ADAMTS6: variants seen among roughly 807,000 people sequenced by gnomAD.
ADAMTS6 encodes A disintegrin and metalloproteinase with thrombospondin motifs 6.
Under a neutral mutation model 144.3 loss-of-function variants are expected in ADAMTS6, and 23 were observed. The observed-to-expected ratio is 0.16, with a 90% CI of 0.11 to 0.23. The LOEUF (loss-of-function observed/expected upper bound fraction) is 0.23. ADAMTS6 is among the 10% of genes least tolerant of loss of function. The pLI is 1.00. For synonymous variants in ADAMTS6, 444 were observed against 457.5 expected (o/e 0.97, Z 0.38); for missense variants, 999 against 1,379.6 (o/e 0.72, Z 4.37).
chr5:65,348,912 T>A (rs1036866589), intron 7 of ADAMTS6, among the ~76,000 whole-genome samples: 14 of 152,038 alleles, frequency 9.2e-5, no homozygotes, highest in African/African-American at 3.4e-4. Flanking sequence ...TTATGAACAA[T>A]AAAAAATTGA....
chr5:65,371,100 C>G (rs548284538), intron 7 of ADAMTS6, among the ~76,000 whole-genome samples: 1 of 152,216 alleles, frequency 6.6e-6, no homozygotes, highest in African/African-American at 2.4e-5. Flanking sequence ...ATAGGACATC[C>G]ACACCAAAAA....
chr5:65,387,067 T>C (rs1224614481), intron 7 of ADAMTS6, among the ~76,000 whole-genome samples: 1 of 152,200 alleles, frequency 6.6e-6, no homozygotes, highest in Non-Finnish European at 1.5e-5. Context: ...ATTTAAAAAT[T>C]ATCTCATGTT....
intron 17 of ADAMTS6, 149 bp downstream of exon 17, chr5:65,224,775 T>G: frequency 2.3e-6 from 2 of 856,102 alleles, no homozygotes; most frequent in Non-Finnish European, 1.7e-6. Context: ...GAAGCCACAT[T>G]TAACACTAAA....
At chr5:65,281,662 T>A (rs1762998099) in intron 11 of ADAMTS6, among the ~76,000 whole-genome samples, 1 of 152,220 alleles carries the variant, frequency 6.6e-6, no homozygotes, top group South Asian at 2.1e-4. Flanking sequence ...AGTTTTGAAA[T>A]GAACAACACT....
chr5:65,443,138 A>T (rs1757996561), intron 7 of ADAMTS6, among the ~76,000 whole-genome samples: 1 of 152,218 alleles, frequency 6.6e-6, no homozygotes, highest in African/African-American at 2.4e-5. Context: ...TGCAATGAAC[A>T]TACATGTGCA....
intron 11 of ADAMTS6, among the ~76,000 whole-genome samples, chr5:65,274,660 T>C (rs1459881217): frequency 2.0e-5 from 3 of 151,916 alleles, no homozygotes; most frequent in African/African-American, 2.4e-5. Context: ...AGGAGATATA[T>C]AGTGTCTATT....
At chr5:65,278,291 T>C (rs750662239) in intron 11 of ADAMTS6, among the ~76,000 whole-genome samples, 3 of 152,228 alleles carry the variant, frequency 2.0e-5, no homozygotes, top group Non-Finnish European at 4.4e-5. Context: ...AATATACATA[T>C]ACGTGTGCAA....
At position 65,231,539 on chromosome 5, in the gene ADAMTS6, A is replaced by G. The variant is rs571262620; in HGVS notation, c.1934-5320T>C. Among the ~76,000 whole-genome samples the G allele has an allele frequency of 1.3e-4, 20 of 152,262 alleles. No homozygotes were observed. The South Asian group carries it at 3.3e-3, about 25-fold the overall frequency. ...ACTTTAGAGCAAATAGAATAAATAGACATACAAAAAATTCCATCCAGAAGC... is the reference window on the plus strand; with the variant it reads ...ACTTTAGAGCAAATAGAATAAATAGGCATACAAAAAATTCCATCCAGAAGC... On this transcript the variant is annotated intron_variant, in intron 15 of 24. Coordinates refer to ENST00000381055, the MANE Select transcript of ADAMTS6 (RefSeq NM_197941.4).
At chr5:65,297,497 C>G (rs1386645672) in intron 10 of ADAMTS6, among the ~76,000 whole-genome samples, 1 of 152,138 alleles carries the variant, frequency 6.6e-6, no homozygotes, top group Non-Finnish European at 1.5e-5. Context: ...CTAAACAATT[C>G]ATCTTTCAAG....
chr5:65,365,943 A>G (rs888510807), intron 7 of ADAMTS6, among the ~76,000 whole-genome samples: 2 of 152,158 alleles, frequency 1.3e-5, no homozygotes, highest in Admixed American at 6.5e-5. Flanking sequence ...ATTTATTTCT[A>G]TATAATCAAA....
At chr5:65,203,482 G>A (rs1755877267) in intron 20 of ADAMTS6, among the ~76,000 whole-genome samples, 1 of 152,106 alleles carries the variant, frequency 6.6e-6, no homozygotes, top group Non-Finnish European at 1.5e-5. Flanking sequence ...AAATTTTAGA[G>A]GAATATTGTT....
At chr5:65,322,975 C>G (rs1455398199) in intron 9 of ADAMTS6, among the ~76,000 whole-genome samples, 1 of 152,098 alleles carries the variant, frequency 6.6e-6, no homozygotes, top group East Asian at 1.9e-4. Context: ...GTGGGGAATG[C>G]TTCTAGCTTT....
Position 65,291,457 on chromosome 5 carries a change from T to C in ADAMTS6, c.1384A>G (p.Thr462Ala), listed in dbSNP as rs1742296791. The C allele has an allele frequency of 3.1e-6, 5 of 1,613,672 alleles. No individual in the cohort carries two copies. The highest frequency in any genetic ancestry group is 1.3e-5 in the African/African-American group (1 of 74,918). Residue 462 changes from threonine to alanine, a missense_variant, in exon 11 of 25, where the codon ACT becomes GCT. Physicochemically the swap from Thr to Ala is moderately conservative, Grantham distance 58. This residue lies in a region of ADAMTS6 where 619 missense variants were observed against 837.0 expected (regional missense o/e 0.74). Coordinates refer to ENST00000381055, the MANE Select transcript of ADAMTS6 (RefSeq NM_197941.4). ...TTGGGAGGCTCATTATCAAGGCAAG[T>C]ACCACGGCCTGAACTGTTCAACATA... ...ITSFLDSGRGTCLDNEPPKRD... is the reference protein window; with the variant it reads ...ITSFLDSGRGACLDNEPPKRD...
chr5:65,278,048 CTTAGCTCCCACT>C (rs1417575446), intron 11 of ADAMTS6, among the ~76,000 whole-genome samples: 2 of 138,134 alleles, frequency 1.4e-5, no homozygotes, highest in Non-Finnish European at 3.1e-5. Context: ...ATACTCATAG[CTTAGCTCCCACT>C]TATAAGTGAG....
intron 20 of ADAMTS6, 137 bp from the exon 21 acceptor site, chr5:65,197,288 T>A: frequency 2.7e-6 from 2 of 742,436 alleles, no homozygotes; most frequent in Non-Finnish European, 3.8e-6. Context: ...ACTGCTTCTC[T>A]AAAATGGAGA....
chr5:65,262,747 G>A, intron 13 of ADAMTS6, 70 bp downstream of exon 13: 1 of 1,430,186 alleles, frequency 7.0e-7, no homozygotes, highest in Non-Finnish European at 9.2e-7. Flanking sequence ...CAGATAACAT[G>A]TGAAACCACA....
intron 15 of ADAMTS6, among the ~76,000 whole-genome samples, chr5:65,230,130 G>T (rs1024607109): frequency 9.9e-5 from 15 of 151,454 alleles, no homozygotes; most frequent in Admixed American, 7.3e-4. Context: ...GATATAAAAA[G>T]ATGTAGACTG....
At chr5:65,192,665 T>C (rs1580006944) in intron 21 of ADAMTS6, among the ~76,000 whole-genome samples, 5 of 142,108 alleles carry the variant, frequency 3.5e-5, no homozygotes, top group East Asian at 2.0e-4. Context: ...TTTTTTTTTT[T>C]CCAGTTATTT....
chr5:65,365,173 T>C (rs1035797978), intron 7 of ADAMTS6, among the ~76,000 whole-genome samples: 1 of 152,132 alleles, frequency 6.6e-6, no homozygotes, highest in Non-Finnish European at 1.5e-5. Flanking sequence ...GTTAATTATA[T>C]ACTCCAGATC....
Sources: allele counts gnomAD v4.1 joint callset (sites outside exome capture counted in the v4.1 genomes callset), GRCh38; gene constraint gnomAD v4.1.1; regional missense constraint gnomAD v4.1.1; transcripts MANE v1.5; gene names NCBI Gene and HGNC (gene_info 2026-07-23, HGNC 2026-07-21).